The following NR2E3 variants were observed in gnomAD, a reference collection of about 807,000 sequenced individuals.
NR2E3 encodes the protein photoreceptor-specific nuclear receptor.
Under a neutral mutation model 37.6 loss-of-function variants are expected in NR2E3, and 38 were observed. That is an observed-to-expected ratio of 1.01 (90% CI 0.78 to 1.33). NR2E3 has a LOEUF of 1.33. Among genes scored for constraint, NR2E3 ranks in the 40% most tolerant of loss-of-function variants. The pLI is 0.00. For synonymous variants in NR2E3, 235 were observed against 225.1 expected (o/e 1.04, Z -0.39); for missense variants, 562 against 558.7 (o/e 1.01, Z -0.06).
chr15:71,812,906 G>A (rs1018482901), intron 5 of NR2E3, among the ~76,000 whole-genome samples: 5 of 152,150 alleles, frequency 3.3e-5, no homozygotes, highest in Non-Finnish European at 7.3e-5. Flanking sequence ...AAGTGCCTAC[G>A]ACTTCAGGGC....
At position 71,811,451 on chromosome 15, in the gene NR2E3, G is replaced by GCC. The variant is rs199588027; in HGVS notation, c.119-30_119-29dup. The GCC allele has an allele frequency of 1.9e-5, 29 of 1,492,064 alleles. No homozygotes were observed. In the African/African-American group the frequency reaches 4.7e-4, roughly 24 times the overall value. 92.4% of individuals were successfully genotyped at this position (1,492,064 alleles called of 1,614,324 possible). A position where few individuals can be genotyped will look rare whatever the true frequency, so the allele number is the denominator to read the frequency against. ...TGCAGCCCTGCCCCGGCCCAGCCCT[G>GCC]CCCTGGCCCAGCCCTGCCCCCTGCC... On this transcript the variant is annotated intron_variant, in intron 1 of 7. Coordinates refer to ENST00000617575, the MANE Select transcript of NR2E3 (RefSeq NM_014249.4). This position sits in a 1 kb window ranked among gnomAD's most constrained non-coding sequence, Gnocchi z 5.6.
intron 7 of NR2E3, chr15:71,814,884 C>A: frequency 1.0e-6 from 1 of 985,406 alleles, no homozygotes; most frequent in Non-Finnish European, 1.2e-6. Flanking sequence ...TGGGTCAGAC[C>A]CGGTGTTTGG....
In NR2E3 at chr15:71,810,862, G is replaced by C; in HGVS notation, c.118+1G>C. The C allele has an allele frequency of 6.4e-7, 1 of 1,552,796 alleles. No individual in the cohort carries two copies. Among genetic ancestry groups the C allele is most frequent in the Non-Finnish European group, 8.7e-7 (1 of 1,147,968 alleles). ...TGGGGCCTGGGGGAGGATCCCACAG[G>C]TATGGCTTCTCCTGGAGGTAGGGTT... On this transcript the variant is annotated splice_donor_variant, in intron 1 of 7. Coordinates refer to ENST00000617575, the MANE Select transcript of NR2E3 (RefSeq NM_014249.4). LOFTEE classifies it high-confidence loss of function.
At chr15:71,817,105 T>C (rs550939463) in intron 7 of NR2E3, among the ~76,000 whole-genome samples, 1 of 149,456 alleles carries the variant, frequency 6.7e-6, no homozygotes, top group African/African-American at 2.4e-5. Context: ...TTTTTTCTTT[T>C]TTTTTTTTTT....
At chr15:71,815,267 G>A (rs1317994253) in intron 7 of NR2E3, among the ~76,000 whole-genome samples, 1 of 152,198 alleles carries the variant, frequency 6.6e-6, no homozygotes, top group Non-Finnish European at 1.5e-5. Flanking sequence ...TCTTTCTGAA[G>A]AAGCAAGCTA....
rs1186209630 is a variant in NR2E3, at chr15:71,813,473, C to T, written c.832C>T (p.Leu278=). 6.2e-7 allele frequency: 1 copy of T among 1,610,200 alleles called. No homozygotes were observed. The highest frequency in any genetic ancestry group is 1.7e-4 in the Middle Eastern group (1 of 6,052). ...WSLPLDSCPL[L]APPEASAAGG... ...TCTGCCTCTGGACAGCTGTCCTCTGCTGGCACCGCCCGAGGCCTCTGCTGC... is the reference window on the plus strand; with the variant it reads ...TCTGCCTCTGGACAGCTGTCCTCTGTTGGCACCGCCCGAGGCCTCTGCTGC... The change falls in exon 6 of 8, where the codon CTG becomes TTG. Residue 278 remains leucine, a synonymous_variant. Coordinates refer to ENST00000617575, the MANE Select transcript of NR2E3 (RefSeq NM_014249.4). This position sits in a 1 kb window ranked among gnomAD's most constrained non-coding sequence, Gnocchi z 4.7.
Position 71,814,742 on chromosome 15 carries a change from G to A in NR2E3, c.1100+625G>A, listed in dbSNP as rs1162778564. On this transcript the variant is annotated intron_variant, in intron 7 of 7. Coordinates refer to ENST00000617575, the MANE Select transcript of NR2E3 (RefSeq NM_014249.4). ...CACAGGGCTGGACCTCACGCAGACT[G>A]GCATGGCCATGGGTCCAGAGGATAC... 9.1e-6 allele frequency: 9 copies of A among 985,690 alleles called. No homozygotes were observed. The East Asian group carries it at 3.4e-4, about 37-fold the overall frequency. 61.1% of individuals were successfully genotyped at this position (985,690 alleles called of 1,614,324 possible). A position where few individuals can be genotyped will look rare whatever the true frequency, so the allele number is the denominator to read the frequency against.
In NR2E3 at chr15:71,818,129, G is replaced by C; in HGVS notation, c.*445G>C. ...CTCATGGGAGCCCTCTGGTGTACCAGAAATGTTGATTTTGATCTGGGCAGT... is the reference window on the plus strand; with the variant it reads ...CTCATGGGAGCCCTCTGGTGTACCACAAATGTTGATTTTGATCTGGGCAGT... On this transcript the variant is annotated 3_prime_UTR_variant, in exon 8 of 8. Coordinates refer to ENST00000617575, the MANE Select transcript of NR2E3 (RefSeq NM_014249.4). 1 of 153,522 alleles carries C rather than the reference G, an allele frequency of 6.5e-6. No individual in the cohort carries two copies. The highest frequency in any genetic ancestry group is 1.9e-4 in the East Asian group (1 of 5,288). The allele number at this position is 153,522 out of a possible 1,614,324, so 9.5% of individuals were successfully genotyped here.
Position 71,813,327 on chromosome 15 carries a change from G to C in NR2E3, c.748-62G>C. On this transcript the variant is annotated intron_variant, in intron 5 of 7. Coordinates refer to ENST00000617575, the MANE Select transcript of NR2E3 (RefSeq NM_014249.4). The surrounding 1 kb of genome is among the most constrained non-coding windows in gnomAD (Gnocchi z 4.7). ...TTGGGTGCCTGAGATGGTGGCAGAG[G>C]CTCCAGACTGAGCCAGAGAAGCTGT... is the stretch of plus-strand genomic sequence containing the variant. 2 of 1,572,660 alleles carry C rather than the reference G, an allele frequency of 1.3e-6. No individual in the cohort carries two copies. Among genetic ancestry groups the C allele is most frequent in the Admixed American group, 1.8e-5 (1 of 54,412 alleles).
At position 71,817,670 on chromosome 15, in the gene NR2E3, A is replaced by T; in HGVS notation, c.1219A>T (p.Met407Leu). 6.2e-7 allele frequency: 1 copy of T among 1,602,178 alleles called. No individual in the cohort carries two copies. Among genetic ancestry groups the T allele is most frequent in the Non-Finnish European group, 8.5e-7 (1 of 1,170,050 alleles). ...NTPMEKLLCDMFKN is the reference protein window; with the variant it reads ...NTPMEKLLCDLFKN ...TCCAATGGAGAAGCTCCTTTGTGAT[A>T]TGTTCAAAAACTAGTGGGGGTGGAG... Residue 407 changes from methionine to leucine, a missense_variant, in exon 8 of 8, where the codon ATG (methionine) becomes TTG (leucine). Coordinates refer to ENST00000617575, the MANE Select transcript of NR2E3 (RefSeq NM_014249.4).
chr15:71,811,492 C>T lies in NR2E3; in HGVS notation c.128C>T (p.Pro43Leu), dbSNP rs1283868328. 2.6e-6 allele frequency: 4 copies of T among 1,558,472 alleles called. No individual in the cohort carries two copies. The highest frequency in any genetic ancestry group is 1.4e-5 in the African/African-American group (1 of 73,416). The change falls in exon 2 of 8, where the codon CCC becomes CTC. Residue 43 changes from proline to leucine, a missense_variant. Pro to Leu is a moderately conservative substitution (Grantham distance 98). Transcript: ENST00000617575. This position sits in a 1 kb window ranked among gnomAD's most constrained non-coding sequence, Gnocchi z 5.6. ...GLGEDPTGVS[P>L]SLQCRVCGDS... ...GCCCCCTGCCCCTCAGGCGTGAGCCCCTCGCTCCAGTGCCGCGTGTGCGGA... is the reference window on the plus strand; with the variant it reads ...GCCCCCTGCCCCTCAGGCGTGAGCCTCTCGCTCCAGTGCCGCGTGTGCGGA...
Position 71,811,975 on chromosome 15 carries a change from C to T in NR2E3, c.370C>T (p.Pro124Ser). Residue 124 changes from proline to serine, a missense_variant, in exon 4 of 8, where the codon CCG becomes TCG. By Grantham distance (74) the Pro-to-Ser change is moderately conservative. Transcript: ENST00000617575. The surrounding 1 kb of genome is among the most constrained non-coding windows in gnomAD (Gnocchi z 5.6). ...NQDAVQNERQ[P>S]RSTAQVHLDS... ...CCCAGCCGTGCAGAACGAGCGCCAG[C>T]CGCGAAGCACAGCCCAGGTCCACCT... is the stretch of plus-strand genomic sequence containing the variant. 6.4e-7 allele frequency: 1 copy of T among 1,551,974 alleles called. No homozygotes were observed. Among genetic ancestry groups the T allele is most frequent in the Non-Finnish European group, 8.7e-7 (1 of 1,147,750 alleles).
At chr15:71,812,908 C>T (rs1218264268) in intron 5 of NR2E3, among the ~76,000 whole-genome samples, 1 of 152,188 alleles carries the variant, frequency 6.6e-6, no homozygotes, top group Admixed American at 6.5e-5. Context: ...GTGCCTACGA[C>T]TTCAGGGCTT....
intron 7 of NR2E3, chr15:71,814,939 A>G (rs983324642): frequency 7.2e-6 from 7 of 978,280 alleles, no homozygotes; most frequent in South Asian, 9.5e-5. Flanking sequence ...GGGAGAAGAC[A>G]TTGTTAAAAA....
chr15:71,815,107 G>A (rs1187203233), intron 7 of NR2E3, among the ~76,000 whole-genome samples: 3 of 152,212 alleles, frequency 2.0e-5, no homozygotes, highest in African/African-American at 4.8e-5. Context: ...GCGCGAGGGT[G>A]GGGCAGGAGC....
chr15:71,811,815 C>A lies in NR2E3; in HGVS notation c.295C>A (p.Gln99Lys). 5.2e-6 allele frequency: 8 copies of A among 1,551,422 alleles called. No homozygotes were observed. The highest frequency in any genetic ancestry group is 7.0e-6 in the Non-Finnish European group (8 of 1,147,056). Residue 99 changes from glutamine (Q) to lysine (K), a missense_variant, in exon 3 of 8, where the codon CAG becomes AAG. By Grantham distance (53) the Gln-to-Lys change is moderately conservative (BLOSUM62 1). Transcript: ENST00000617575. The surrounding 1 kb of genome is among the most constrained non-coding windows in gnomAD (Gnocchi z 5.6). Reference protein sequence around the residue: ...MCPVDKAHRNQCQACRLKKCL... With the variant: ...MCPVDKAHRNKCQACRLKKCL... Reference sequence around the variant, plus strand: ...CCCCGTGGACAAGGCCCACCGCAACCAGTGCCAGGCCTGCCGGCTGAAGAA... The same window carrying A: ...CCCCGTGGACAAGGCCCACCGCAACAAGTGCCAGGCCTGCCGGCTGAAGAA...
Position 71,812,386 on chromosome 15 carries a change from C to T in NR2E3, c.622C>T (p.Pro208Ser). The part of the protein sequence containing the change: ...TSNDPEFPSS[P>S]YSSSSPCGLD... ...CAATGACCCTGAGTTCCCCTCCTCT[C>T]CATACTCCTCTTCCTCCCCCTGCGG... Residue 208 changes from proline (P) to serine (S), a missense_variant, in exon 5 of 8, where the codon CCA becomes TCA. Transcript: ENST00000617575. The T allele has an allele frequency of 6.2e-7, 1 of 1,614,016 alleles. No homozygotes were observed. The highest frequency in any genetic ancestry group is 8.5e-7 in the Non-Finnish European group (1 of 1,179,882).
intron 7 of NR2E3, chr15:71,814,965 C>A (rs1595957934): frequency 2.1e-6 from 2 of 950,480 alleles, no homozygotes; most frequent in Non-Finnish European, 2.5e-6. Context: ...AAAGGAAAGC[C>A]AGGAGGAAAG....
In NR2E3 at chr15:71,810,857, C is replaced by T. The variant is rs2140287961; in HGVS notation, c.114C>T (p.Pro38=). Residue 38 remains proline, a synonymous_variant, in exon 1 of 8, where the codon CCC becomes CCT. Coordinates refer to ENST00000617575, the MANE Select transcript of NR2E3 (RefSeq NM_014249.4). ...SPGRWGLGED[P]TGVSPSLQCR... ...GCAGATGGGGCCTGGGGGAGGATCC[C>T]ACAGGTATGGCTTCTCCTGGAGGTA... The T allele has an allele frequency of 6.4e-7, 1 of 1,556,808 alleles. No individual in the cohort carries two copies. The highest frequency in any genetic ancestry group is 8.7e-7 in the Non-Finnish European group (1 of 1,150,278).
Sources: allele counts gnomAD v4.1 joint callset (sites outside exome capture counted in the v4.1 genomes callset), GRCh38; gene constraint gnomAD v4.1.1; non-coding constraint Gnocchi (gnomAD v3.1); transcripts MANE v1.5; gene names NCBI Gene and HGNC (gene_info 2026-07-23, HGNC 2026-07-21).